Variants in NFATC3 observed in about 807,000 individuals in gnomAD.
NFATC3 encodes the protein nuclear factor of activated T-cells, cytoplasmic 3.
A neutral mutation model predicts 98.6 loss-of-function variants in NFATC3; 46 were observed. The ratio of observed to expected loss-of-function variants is 0.47; its 90% CI spans 0.37 to 0.60. NFATC3 has a LOEUF of 0.60. NFATC3 is among the 20% of genes least tolerant of loss of function. The pLI is 0.00. For synonymous variants in NFATC3, 512 were observed against 472.2 expected (o/e 1.08, Z -1.09); for missense variants, 1,256 against 1,295.5 (o/e 0.97, Z 0.47).
intron 9 of NFATC3, among the ~76,000 whole-genome samples, chr16:68,220,037 A>G (rs971676371): frequency 3.3e-5 from 5 of 152,240 alleles, no homozygotes; most frequent in Admixed American, 3.3e-4. Flanking sequence ...CTCTTACAGC[A>G]AACATTATTG....
At chr16:68,210,753 A>G (rs1351582867) in intron 9 of NFATC3, among the ~76,000 whole-genome samples, 1 of 152,072 alleles carries the variant, frequency 6.6e-6, no homozygotes, top group African/African-American at 2.4e-5. Context: ...TTTTGCATCT[A>G]TATTCATAAA....
chr16:68,097,828 C>T (rs1026519738), intron 1 of NFATC3, among the ~76,000 whole-genome samples: 12 of 152,184 alleles, frequency 7.9e-5, no homozygotes, highest in South Asian at 2.1e-4. Flanking sequence ...TGAACATATC[C>T]GCGACCCCCA....
rs751861820 is a variant in NFATC3, at chr16:68,226,504, A to G, written c.*33A>G. The G allele has an allele frequency of 1.4e-6, 2 of 1,455,904 alleles. No homozygotes were observed. Among genetic ancestry groups the G allele is most frequent in the South Asian group, 3.0e-5 (2 of 66,056 alleles). The allele number at this position is 1,455,904 out of a possible 1,614,324, so 90.2% of individuals were successfully genotyped here. ...TACTGCAGCCTTGTGTCCACCACCA[A>G]CTTCTCAGCATGTTTCTCTCCTTGG... On this transcript the variant is annotated 3_prime_UTR_variant, in exon 10 of 10. Transcript: ENST00000346183.
intron 9 of NFATC3, among the ~76,000 whole-genome samples, chr16:68,211,818 G>A (rs887457719): frequency 2.0e-5 from 3 of 152,176 alleles, no homozygotes; most frequent in Non-Finnish European, 2.9e-5. Flanking sequence ...CACCGTGCCC[G>A]GCACACTTTT....
At chr16:68,133,600 C>A (rs2037229805) in intron 3 of NFATC3, among the ~76,000 whole-genome samples, 1 of 152,060 alleles carries the variant, frequency 6.6e-6, no homozygotes, top group Non-Finnish European at 1.5e-5. Flanking sequence ...CCAGTTTATA[C>A]CCCCAACCGA....
At chr16:68,163,446 C>CT (rs911861915) in intron 4 of NFATC3, among the ~76,000 whole-genome samples, 1 of 139,740 alleles carries the variant, frequency 7.2e-6, no homozygotes, top group African/African-American at 3.2e-5. Flanking sequence ...GGCGGCCGGG[C>CT]AGAGGCGCCC....
Position 68,123,739 on chromosome 16 carries a change from C to G in NFATC3, c.1238+618C>G, listed in dbSNP as rs563679890. On this transcript the variant is annotated intron_variant, in intron 2 of 9. Transcript: ENST00000346183. ...TGGGGGCCAGGCGTGGTGTCTCATG[C>G]CTGTAATCCCAACACTTTGGGAGGC... 1.7e-4 allele frequency among the ~76,000 whole-genome samples: 26 copies of G among 152,060 alleles called. No individual in the cohort carries two copies. In the South Asian group the frequency reaches 2.5e-3, roughly 15 times the overall value.
At chr16:68,119,467 C>G (rs1383135437) in intron 1 of NFATC3, among the ~76,000 whole-genome samples, 4 of 152,144 alleles carry the variant, frequency 2.6e-5, no homozygotes, top group African/African-American at 7.2e-5. Context: ...ACTAGCCTCT[C>G]CCTGACCACC....
intron 6 of NFATC3, among the ~76,000 whole-genome samples, chr16:68,177,493 T>C (rs1439451780): frequency 6.6e-6 from 1 of 152,222 alleles, no homozygotes; most frequent in African/African-American, 2.4e-5. Flanking sequence ...TTATGCCATT[T>C]CTGGATTTTT....
intron 8 of NFATC3, among the ~76,000 whole-genome samples, chr16:68,187,682 C>T (rs1431773987): frequency 6.6e-6 from 1 of 152,154 alleles, no homozygotes; most frequent in Admixed American, 6.5e-5. Flanking sequence ...GGTAGCTCCT[C>T]TCCACAGCTG....
intron 1 of NFATC3, among the ~76,000 whole-genome samples, chr16:68,115,729 G>GT (rs554773002): frequency 5.2e-4 from 78 of 150,592 alleles, no homozygotes; most frequent in South Asian, 1.7e-3. Context: ...CTGGCCGATT[G>GT]TTTTTTTTTG....
intron 9 of NFATC3, among the ~76,000 whole-genome samples, chr16:68,210,764 G>A (rs1471663912): frequency 6.6e-6 from 1 of 151,998 alleles, no homozygotes; most frequent in African/African-American, 2.4e-5. Flanking sequence ...TATTCATAAA[G>A]AATATTCTGT....
At chr16:68,202,495 G>A (rs551137499) in intron 9 of NFATC3, among the ~76,000 whole-genome samples, 2 of 152,254 alleles carry the variant, frequency 1.3e-5, no homozygotes, top group South Asian at 4.2e-4. Flanking sequence ...TTGGTTAGTG[G>A]TTTCACTGGT....
intron 1 of NFATC3, among the ~76,000 whole-genome samples, chr16:68,101,657 G>A (rs1405028091): frequency 6.6e-6 from 1 of 151,684 alleles, no homozygotes; most frequent in Non-Finnish European, 1.5e-5. Flanking sequence ...CTAATTTTTT[G>A]TATTTTTGAT....
intron 9 of NFATC3, among the ~76,000 whole-genome samples, chr16:68,214,951 G>A (rs1202790348): frequency 1.3e-5 from 2 of 152,168 alleles, no homozygotes; most frequent in African/African-American, 4.8e-5. Flanking sequence ...GCCAGTGTCT[G>A]TGTCTAGGCT....
chr16:68,085,581 C>G lies in NFATC3; in HGVS notation c.-101C>G, dbSNP rs2034318535. 4 of 1,072,674 alleles carry G rather than the reference C, an allele frequency of 3.7e-6. No homozygotes were observed. The highest frequency in any genetic ancestry group is 6.4e-5 in the East Asian group (2 of 31,194). The allele number at this position is 1,072,674 out of a possible 1,614,324, so 66.4% of individuals were successfully genotyped here. A position where few individuals can be genotyped will look rare whatever the true frequency, so the allele number is the denominator to read the frequency against. On this transcript the variant is annotated 5_prime_UTR_variant, in exon 1 of 10. Transcript: ENST00000346183. The stretch of plus-strand genomic sequence containing the variant: ...GCCGTGGAGTCGCGACCTCTTGGCC[C>G]GCGCGGCCCGGCATGAAGCGGCGTT...
At chr16:68,161,744 A>G (rs1219414953) in intron 4 of NFATC3, among the ~76,000 whole-genome samples, 1 of 152,024 alleles carries the variant, frequency 6.6e-6, no homozygotes, top group Non-Finnish European at 1.5e-5. Context: ...TTTTCTATTT[A>G]TTTTTTCTTG....
chr16:68,150,412 TAAA>T (rs60606928), intron 3 of NFATC3, among the ~76,000 whole-genome samples: 2 of 81,074 alleles, frequency 2.5e-5, no homozygotes, highest in Admixed American at 1.5e-4. Flanking sequence ...CTTCTATATC[TAAA>T]AAAAAAAAAA....
chr16:68,194,557 C>T (rs1032534264), intron 9 of NFATC3, among the ~76,000 whole-genome samples: 2 of 152,204 alleles, frequency 1.3e-5, no homozygotes, highest in African/African-American at 2.4e-5. Context: ...TTGCCTGTTT[C>T]TTTTAGCAGT....
Sources: gnomAD v4.1 joint callset for allele counts (sites outside exome capture counted in the v4.1 genomes callset) on GRCh38, gnomAD v4.1.1 for gene constraint, MANE v1.5 for transcripts, NCBI Gene and HGNC (gene_info 2026-07-23, HGNC 2026-07-21) for gene names.